ZAR1L: variants seen among roughly 807,000 people sequenced by gnomAD.
ZAR1L encodes zygote arrest 1 like.
Under a neutral mutation model 30.0 loss-of-function variants are expected in ZAR1L, and 16 were observed. The ratio of observed to expected loss-of-function variants is 0.53; its 90% confidence interval spans 0.36 to 0.81. The LOEUF is 0.81. Among genes scored for constraint, ZAR1L ranks in the 30% least tolerant of loss-of-function variants. The pLI, the probability that ZAR1L is intolerant of heterozygous loss-of-function variation, is 0.00. For synonymous variants in ZAR1L, 197 were observed against 166.8 expected, an observed-to-expected ratio of 1.18 and a Z score of -1.40; for missense variants, 392 against 417.2, an observed-to-expected ratio of 0.94 and a Z score of 0.53.
chr13:32,304,830 AT>A (rs1382254371), intron 5 of ZAR1L, among the ~76,000 whole-genome samples: 9 of 139,586 alleles, frequency 6.4e-5, no homozygotes, highest in Non-Finnish European at 1.4e-4. Flanking sequence ...TTTTTTTGAA[AT>A]GGAGTCTCGC....
chr13:32,304,809 C>CA (rs2072161863), intron 5 of ZAR1L, among the ~76,000 whole-genome samples: 1 of 136,130 alleles, frequency 7.3e-6, no homozygotes. Context: ...CAAGATTTAC[C>CA]TTTTTTTTTT....
At position 32,311,913 on chromosome 13, in the gene ZAR1L, C is replaced by T; in HGVS notation, c.13G>A (p.Val5Ile). 1 of 1,548,266 alleles carries T rather than the reference C, an allele frequency of 6.5e-7. No individual in the cohort carries two copies. The highest frequency in any genetic ancestry group is 8.7e-7 in the Non-Finnish European group (1 of 1,144,944). MERF[V>I]RVPYGLYQGY... ...TGGTACAAGCCATAGGGAACACGGA[C>T]AAAGCGCTCCATCCGCTCTCAGGTG... Residue 5 changes from valine (V) to isoleucine (I), a missense_variant, in exon 3 of 6, where the codon GTC becomes ATC. Physicochemically the swap from Val to Ile is conservative, Grantham distance 29. Transcript: ENST00000533490.
Position 32,303,857 on chromosome 13 carries a change from A to G in ZAR1L, c.*22T>C, listed in dbSNP as rs781661984. On this transcript the variant is annotated 3_prime_UTR_variant, in exon 6 of 6. Transcript: ENST00000533490. ...AGTTACAAGAAGAGCTCAGGGGTCC[A>G]TTACAAGTCACACTGTACAAGTCAC... 5.8e-6 allele frequency: 9 copies of G among 1,548,636 alleles called. No individual in the cohort carries two copies. In the East Asian group the frequency reaches 9.8e-5, roughly 17 times the overall value.
intron 5 of ZAR1L, among the ~76,000 whole-genome samples, chr13:32,307,498 C>CAAAAAAA (rs772822284): frequency 4.6e-4 from 7 of 15,384 alleles, no homozygotes; most frequent in Non-Finnish European, 5.4e-4. Flanking sequence ...GAGTCTGTCT[C>CAAAAAAA]AAAAAAAAAA....
At chr13:32,307,406 A>G (rs2858213) in intron 5 of ZAR1L, among the ~76,000 whole-genome samples, 56,744 of 149,542 alleles carry the variant, frequency 0.38, 10,923 homozygotes, top group East Asian at 0.49. Flanking sequence ...GGCTGGGGCA[A>G]GAGAATCACT....
Position 32,311,900 on chromosome 13 carries a change from T to C in ZAR1L, c.26A>G (p.Tyr9Cys), listed in dbSNP as rs950022307. 4 of 1,551,052 alleles carry C rather than the reference T, an allele frequency of 2.6e-6. No homozygotes were observed. Among genetic ancestry groups the C allele is most frequent in the Non-Finnish European group, 1.7e-6 (2 of 1,146,650 alleles). ...GCTCCCATAACCCTGGTACAAGCCA[T>C]AGGGAACACGGACAAAGCGCTCCAT... is the stretch of plus-strand genomic sequence containing the variant. MERFVRVP[Y>C]GLYQGYGSTV... The change falls in exon 3 of 6, where the codon TAT (tyrosine) becomes TGT (cysteine). Residue 9 changes from tyrosine (Y) to cysteine (C), a missense_variant. Transcript: ENST00000533490.
chr13:32,311,551 C>T lies in ZAR1L; in HGVS notation c.375G>A (p.Glu125=), dbSNP rs1405779758. The T allele has an allele frequency of 7.8e-6, 12 of 1,533,798 alleles. No homozygotes were observed. The highest frequency in any genetic ancestry group is 3.5e-4 in the Middle Eastern group (2 of 5,770). ...AAGTGACCCCACAGGCTGGCAGGGG[C>T]TCCTGGGGGTCTCTGCCGTCCCAGG... The part of the protein sequence containing the change: ...CSPWDGRDPQ[E]PLPACGVTSP... Residue 125 remains glutamate, a synonymous_variant, in exon 3 of 6, where the codon GAG becomes GAA. Transcript: ENST00000533490.
chr13:32,311,782 C>T lies in ZAR1L; in HGVS notation c.144G>A (p.Gly48=), dbSNP rs938650038. ...MGPPTFLARP[G]LLVPANAPDY... ...CAGGGGCGTTCGCGGGCACCAGCAG[C>T]CCTGGCCTGGCCAGAAAAGTGGGAG... Residue 48 remains glycine, a synonymous_variant, in exon 3 of 6, where the codon GGG becomes GGA. Transcript: ENST00000533490. 2.6e-6 allele frequency: 4 copies of T among 1,551,596 alleles called. No homozygotes were observed. Among genetic ancestry groups the T allele is most frequent in the Non-Finnish European group, 2.6e-6 (3 of 1,147,022 alleles).
chr13:32,309,208 T>C (rs206106), intron 4 of ZAR1L, among the ~76,000 whole-genome samples: 57,163 of 151,630 alleles, frequency 0.38, 10,972 homozygotes, highest in East Asian at 0.49. Flanking sequence ...ACCAGGCTGG[T>C]CTCAAACTCC....
Position 32,311,922 on chromosome 13 carries a change from C to G in ZAR1L, c.4G>C (p.Glu2Gln). ...CCATAGGGAACACGGACAAAGCGCT[C>G]CATCCGCTCTCAGGTGCTCAGGCGC... Reference protein sequence around the residue: MERFVRVPYGLY... With the variant: MQRFVRVPYGLY... The change falls in exon 3 of 6, where the codon GAG becomes CAG. Residue 2 changes from glutamate (E) to glutamine (Q), a missense_variant. Transcript: ENST00000533490. 6.5e-7 allele frequency: 1 copy of G among 1,545,926 alleles called. No individual in the cohort carries two copies. The highest frequency in any genetic ancestry group is 1.4e-5 in the African/African-American group (1 of 73,086).
chr13:32,313,552 A>C (rs1566212685), intron 2 of ZAR1L, among the ~76,000 whole-genome samples: 1 of 152,146 alleles, frequency 6.6e-6, no homozygotes, highest in Non-Finnish European at 1.5e-5. Flanking sequence ...TTTTTAGTAG[A>C]GACAGGGTTT....
At chr13:32,312,537 G>A (rs998521951) in intron 2 of ZAR1L, among the ~76,000 whole-genome samples, 36 of 152,204 alleles carry the variant, frequency 2.4e-4, no homozygotes, top group African/African-American at 8.7e-4. Context: ...AATGGATAGA[G>A]AAATTGTGGC....
chr13:32,306,729 G>A (rs1373552764), intron 5 of ZAR1L, among the ~76,000 whole-genome samples: 3 of 152,064 alleles, frequency 2.0e-5, no homozygotes, highest in Non-Finnish European at 4.4e-5. Flanking sequence ...TCAGGAGTTC[G>A]AGACAAGCCT....
At chr13:32,309,076 C>T (rs554086788) in intron 4 of ZAR1L, among the ~76,000 whole-genome samples, 8 of 151,842 alleles carry the variant, frequency 5.3e-5, no homozygotes, top group East Asian at 3.9e-4. Context: ...CTGCAACCCC[C>T]GCCTCCTGGG....
rs768616397 is a variant in ZAR1L, at chr13:32,308,745, G to A, written c.763C>T (p.Leu255Phe). 1.2e-5 allele frequency: 19 copies of A among 1,549,064 alleles called. 1 individual carries two copies. Among genetic ancestry groups the A allele is most frequent in the South Asian group, 7.1e-5 (6 of 83,928 alleles). Reference sequence around the variant, plus strand: ...AAACTCTTTTGGCATTTACAACAGAGTTGTTTGAAATAAACCTAAAGAGAA... The same window carrying A: ...AAACTCTTTTGGCATTTACAACAGAATTGTTTGAAATAAACCTAAAGAGAA... ...SGTNKVYFKQLCCKCQKSFNP... is the reference protein window; with the variant it reads ...SGTNKVYFKQFCCKCQKSFNP... The change falls in exon 5 of 6, where the codon CTC becomes TTC. Residue 255 changes from leucine to phenylalanine, a missense_variant. Physicochemically the swap from Leu to Phe is conservative, Grantham distance 22. Coordinates refer to ENST00000533490, the MANE Select transcript of ZAR1L (RefSeq NM_001136571.2).
At chr13:32,312,814 G>T (rs2072224139) in intron 2 of ZAR1L, among the ~76,000 whole-genome samples, 1 of 152,080 alleles carries the variant, frequency 6.6e-6, no homozygotes, top group African/African-American at 2.4e-5. Context: ...GGAGGCAAAG[G>T]TTGCAGTGAG....
chr13:32,313,338 T>A (rs1456864427), intron 2 of ZAR1L, among the ~76,000 whole-genome samples: 2 of 152,328 alleles, frequency 1.3e-5, no homozygotes, highest in South Asian at 2.1e-4. Context: ...TATACAACTT[T>A]TAGGAAATAA....
intron 5 of ZAR1L, among the ~76,000 whole-genome samples, chr13:32,305,266 G>A (rs1003982251): frequency 7.4e-5 from 11 of 148,390 alleles, no homozygotes; most frequent in African/African-American, 2.7e-4. Context: ...TCGCTCTTTT[G>A]CCCAGGCTGG....
intron 3 of ZAR1L, among the ~76,000 whole-genome samples, chr13:32,310,990 C>G (rs904472365): frequency 6.6e-6 from 1 of 152,076 alleles, no homozygotes; most frequent in Non-Finnish European, 1.5e-5. Context: ...AGTCTGATTT[C>G]ATGTATTACA....
Sources: gnomAD v4.1 joint callset for allele counts (sites outside exome capture counted in the v4.1 genomes callset) on GRCh38, gnomAD v4.1.1 for gene constraint, MANE v1.5 for transcripts, NCBI Gene and HGNC (gene_info 2026-07-23, HGNC 2026-07-21) for gene names.